Variants in XKR9 observed in about 807,000 individuals in gnomAD.
The protein encoded by XKR9 is XK-related protein 9.
A neutral mutation model predicts 32.0 loss-of-function variants in XKR9; 32 were observed. That is an observed-to-expected ratio of 1.00 (90% CI 0.76 to 1.34). XKR9 has a LOEUF of 1.34. Ranked by LOEUF, XKR9 falls within the 40% of genes most tolerant of loss-of-function variation. The pLI is 0.00. For synonymous variants in XKR9, 168 were observed against 143.4 expected (o/e 1.17, Z -1.22); for missense variants, 546 against 429.7 (o/e 1.27, Z -2.39).
chr8:70,813,499 C>G, the XKR9 span, among the ~76,000 whole-genome samples: 20,604 of 152,084 alleles, frequency 0.14, 1,886 homozygotes, highest in African/African-American at 0.26. Flanking sequence ...TCAGAGTGAA[C>G]AGGCAACCTA....
chr8:70,712,988 T>G (rs1022293203), intron 4 of XKR9, among the ~76,000 whole-genome samples: 1 of 152,148 alleles, frequency 6.6e-6, no homozygotes, highest in Admixed American at 6.6e-5. Context: ...CAGTGAGACT[T>G]GAACTTTTGG....
chr8:70,743,715 A>G (rs1226848200), intron 2 of XKR9, among the ~76,000 whole-genome samples: 1 of 152,106 alleles, frequency 6.6e-6, no homozygotes, highest in Admixed American at 6.6e-5. Context: ...TTTTTCTCCT[A>G]GATTTTCCAC....
At chr8:70,801,930 TTTTC>T in the XKR9 span, among the ~76,000 whole-genome samples, 1 of 151,840 alleles carries the variant, frequency 6.6e-6, no homozygotes, top group African/African-American at 2.4e-5. Context: ...TTCTTTTTCT[TTTTC>T]TTTCTTTTTT....
At chr8:71,031,249 G>T in the XKR9 span, among the ~76,000 whole-genome samples, 5 of 151,974 alleles carry the variant, frequency 3.3e-5, no homozygotes, top group African/African-American at 4.8e-5. Context: ...TTTTTATAAT[G>T]GATTTTTATA....
At chr8:70,933,804 G>A in the XKR9 span, among the ~76,000 whole-genome samples, 4 of 152,014 alleles carry the variant, frequency 2.6e-5, no homozygotes, top group African/African-American at 4.8e-5. Flanking sequence ...CACAAGAGTA[G>A]AATACTGCCT....
At chr8:70,777,203 G>T (rs200970762) in intron 2 of XKR9, among the ~76,000 whole-genome samples, 10 of 151,644 alleles carry the variant, frequency 6.6e-5, no homozygotes, top group Non-Finnish European at 1.0e-4. Flanking sequence ...GAAAACATGT[G>T]GTGTTTGTTT....
the XKR9 span, among the ~76,000 whole-genome samples, chr8:70,956,660 C>T: frequency 4.6e-5 from 7 of 152,150 alleles, no homozygotes; most frequent in Admixed American, 1.3e-4. Flanking sequence ...CCCCAGCCCC[C>T]CTCCCGTGCC....
At chr8:71,058,777 A>G in the XKR9 span, among the ~76,000 whole-genome samples, 1 of 152,208 alleles carries the variant, frequency 6.6e-6, no homozygotes, top group Non-Finnish European at 1.5e-5. Context: ...CATCACTCTG[A>G]TGGTTTAAAA....
At chr8:70,698,840 C>T (rs1453227763) in intron 3 of XKR9, among the ~76,000 whole-genome samples, 3 of 151,910 alleles carry the variant, frequency 2.0e-5, no homozygotes, top group Non-Finnish European at 2.9e-5. Context: ...GTAGGTCACT[C>T]GGGACTTGCT....
intron 3 of XKR9, among the ~76,000 whole-genome samples, chr8:70,686,529 C>T (rs1302475585): frequency 2.6e-5 from 4 of 151,950 alleles, no homozygotes; most frequent in East Asian, 1.9e-4. Context: ...CTGCAACCTC[C>T]GCCTCCCAGG....
chr8:70,695,332 G>T (rs268608), intron 3 of XKR9, among the ~76,000 whole-genome samples: 2 of 69,514 alleles, frequency 2.9e-5, no homozygotes, highest in African/African-American at 5.5e-5. Context: ...CCCCCCTCCC[G>T]CCACCCCACA....
chr8:70,741,614 C>T (rs535566420), intron 2 of XKR9, among the ~76,000 whole-genome samples: 1 of 152,080 alleles, frequency 6.6e-6, no homozygotes, highest in South Asian at 2.1e-4. Context: ...TATATGTATG[C>T]CACATTTTGT....
At chr8:70,984,089 A>G in the XKR9 span, among the ~76,000 whole-genome samples, 1 of 152,242 alleles carries the variant, frequency 6.6e-6, no homozygotes, top group East Asian at 1.9e-4. Flanking sequence ...GCAGTAGGAC[A>G]TTAAAACTCA....
At chr8:70,792,923 C>T (rs971897344), downstream of XKR9, among the ~76,000 whole-genome samples, 1 of 152,052 alleles carries the variant, frequency 6.6e-6, no homozygotes, top group Admixed American at 6.6e-5. Flanking sequence ...TTGGACTTTC[C>T]AGCTTCAAGA....
the XKR9 span, among the ~76,000 whole-genome samples, chr8:70,821,774 T>C: frequency 4.1e-4 from 62 of 152,176 alleles, no homozygotes; most frequent in Non-Finnish European, 7.8e-4. Context: ...CCACATCTCA[T>C]CTCGAGACTG....
At chr8:70,755,303 T>C (rs111497193) in intron 2 of XKR9, among the ~76,000 whole-genome samples, 11,031 of 152,256 alleles carry the variant, frequency 0.072, 472 homozygotes, top group Non-Finnish European at 0.089. Context: ...ACTTTTACAC[T>C]GTTGCTGGGA....
chr8:71,036,443 G>T, the XKR9 span, among the ~76,000 whole-genome samples: 4 of 152,006 alleles, frequency 2.6e-5, no homozygotes, highest in Admixed American at 2.0e-4. Flanking sequence ...TTCAAGTCTA[G>T]AGTGTTAGAA....
downstream of XKR9, among the ~76,000 whole-genome samples, chr8:70,737,052 C>G (rs1437372660): frequency 1.3e-5 from 2 of 151,886 alleles, no homozygotes; most frequent in Non-Finnish European, 2.9e-5. Context: ...TATAAATTAC[C>G]TTCGGCAGTA....
chr8:70,852,157 A>T, the XKR9 span, among the ~76,000 whole-genome samples: 1 of 152,272 alleles, frequency 6.6e-6, no homozygotes, highest in Non-Finnish European at 1.5e-5. Context: ...GAAGACATTT[A>T]TGTGGCCAAC....
Sources: gnomAD v4.1 joint callset for allele counts (sites outside exome capture counted in the v4.1 genomes callset) on GRCh38, gnomAD v4.1.1 for gene constraint, MANE v1.5 for transcripts, NCBI Gene and HGNC (gene_info 2026-07-23, HGNC 2026-07-21) for gene names.